NCKAP1: variants seen among roughly 807,000 people sequenced by gnomAD.
NCKAP1 encodes the protein NCK associated protein 1.
NCKAP1 carries 21 observed loss-of-function variants against 151.2 expected under a neutral mutation model. That is an observed-to-expected ratio of 0.14 (90% CI 0.10 to 0.20). NCKAP1 has a LOEUF of 0.20. Ranked by LOEUF, NCKAP1 falls within the 10% of genes least tolerant of loss-of-function variation. The pLI is 1.00. For missense variants in NCKAP1, 933 were observed against 1,352.1 expected (o/e 0.69, Z 4.86); for synonymous variants, 484 against 451.8 (o/e 1.07, Z -0.90).
intron 20 of NCKAP1, 119 bp downstream of exon 20, chr2:182,956,343 T>C (rs1330806268): frequency 2.3e-6 from 3 of 1,318,184 alleles, no homozygotes; most frequent in East Asian, 2.5e-5. Context: ...CCCGGCCCGG[T>C]TCATTATTCT....
rs1696409663 is a variant in NCKAP1 at position 182,912,419 on chromosome 2, T to C, written c.*13283A>G. The C allele has an allele frequency of 6.6e-6, 1 of 152,346 alleles. No individual in the cohort carries two copies. Among genetic ancestry groups the C allele is most frequent in the East Asian group, 1.9e-4 (1 of 5,192 alleles). 9.4% of individuals were successfully genotyped at this position (152,346 alleles called of 1,614,324 possible). A position where few individuals can be genotyped will look rare whatever the true frequency, so the allele number is the denominator to read the frequency against. On this transcript the variant is annotated 3_prime_UTR_variant, in exon 31 of 31. Transcript: ENST00000361354. ...AGAGTTTTCACATGAGCTCTCTATG[T>C]GGCAATGAGATACAAGTGCCATCTT...
chr2:183,004,684 G>C (rs1390177998), intron 2 of NCKAP1, among the ~76,000 whole-genome samples: 1 of 151,914 alleles, frequency 6.6e-6, no homozygotes, highest in African/African-American at 2.4e-5. Context: ...AGCAGTTCGA[G>C]ACCAGCCTGA....
intron 24 of NCKAP1, among the ~76,000 whole-genome samples, chr2:182,938,355 G>A (rs1320411616): frequency 1.3e-5 from 2 of 152,108 alleles, no homozygotes; most frequent in Non-Finnish European, 2.9e-5. Context: ...ACGACGAAGA[G>A]TAGAGATAAA....
In NCKAP1 at chr2:182,986,225, T is replaced by C. The variant is rs1426792414; in HGVS notation, c.950A>G (p.Tyr317Cys). 3.1e-6 allele frequency: 5 copies of C among 1,612,968 alleles called. No homozygotes were observed. The highest frequency in any genetic ancestry group is 4.2e-6 in the Non-Finnish European group (5 of 1,179,098). ...AEDLFVNIRG[Y>C]NKRINDIREC... ...TCTTATGTCATTAATACGTTTATTA[T>C]AGCTAGGTGCAAAAACAAATTAGAA... is the stretch of plus-strand genomic sequence containing the variant. Residue 317 changes from tyrosine (Y) to cysteine (C), a missense_variant and splice_region_variant, in exon 10 of 31, where the codon TAT (tyrosine) becomes TGT (cysteine). By Grantham distance (194) the Tyr-to-Cys change is radical. Transcript: ENST00000361354.
Position 182,967,430 on chromosome 2 carries a change from G to C in NCKAP1, c.1483-69C>G, listed in dbSNP as rs1461300064. The C allele has an allele frequency of 2.2e-6, 3 of 1,358,236 alleles. No homozygotes were observed. In the East Asian group the frequency reaches 6.9e-5, roughly 31 times the overall value. 84.1% of individuals were successfully genotyped at this position (1,358,236 alleles called of 1,614,324 possible). ...TGACTTCGGACTTGTCATTTTACAGGGGGAAAAGCATCACTGAAAGATACT... is the reference window on the plus strand; with the variant it reads ...TGACTTCGGACTTGTCATTTTACAGCGGGAAAAGCATCACTGAAAGATACT... On this transcript the variant is annotated intron_variant, in intron 15 of 30. Transcript: ENST00000361354.
At chr2:182,987,087 C>T (rs1463925430) in intron 9 of NCKAP1, among the ~76,000 whole-genome samples, 1 of 151,816 alleles carries the variant, frequency 6.6e-6, no homozygotes, top group East Asian at 1.9e-4. Flanking sequence ...ACTAAAAATA[C>T]AAAAATTAGT....
rs1697253056 is a variant in NCKAP1 at position 182,953,138 on chromosome 2, T to C, written c.2347A>G (p.Thr783Ala). The change falls in exon 21 of 31, where the codon ACC (threonine) becomes GCC (alanine). Residue 783 changes from threonine (T) to alanine (A), a missense_variant. Thr to Ala is a moderately conservative substitution (Grantham distance 58). This residue lies in a region of NCKAP1 where 326 missense variants were observed against 557.1 expected (regional missense o/e 0.59). Coordinates refer to ENST00000361354, the MANE Select transcript of NCKAP1 (RefSeq NM_013436.5). ...TQHLDSHGEP[T>A]ITSLYTNWYL... is the part of the protein sequence containing the mutation. ...CAATTTGTGTATAGACTTGTAATGG[T>C]TGGCTCTCCATGACTGTCTAAATGT... is the stretch of plus-strand genomic sequence containing the variant. 6.2e-7 allele frequency: 1 copy of C among 1,612,628 alleles called. No individual in the cohort carries two copies. Among genetic ancestry groups the C allele is most frequent in the African/African-American group, 1.3e-5 (1 of 75,008 alleles).
At position 182,953,214 on chromosome 2, in the gene NCKAP1, C is replaced by T; in HGVS notation, c.2271G>A (p.Val757=). The T allele has an allele frequency of 6.2e-7, 1 of 1,612,654 alleles. No individual in the cohort carries two copies. The highest frequency in any genetic ancestry group is 8.5e-7 in the Non-Finnish European group (1 of 1,178,818). The change falls in exon 21 of 31, where the codon GTG becomes GTA. Residue 757 remains valine (V), a synonymous_variant. Transcript: ENST00000361354. ...MTVLQSIENY[V]QIDITRVFNN... ...TAAATACTCTTGTAATATCAATCTGCACATAGTTTTCTATTGACTGGAGTA... is the reference window on the plus strand; with the variant it reads ...TAAATACTCTTGTAATATCAATCTGTACATAGTTTTCTATTGACTGGAGTA...
At chr2:183,008,957 CT>C (rs1698533951) in intron 2 of NCKAP1, among the ~76,000 whole-genome samples, 1 of 152,096 alleles carries the variant, frequency 6.6e-6, no homozygotes, top group Non-Finnish European at 1.5e-5. Context: ...TTAAAAGAAC[CT>C]TAGACTCCTA....
intron 15 of NCKAP1, among the ~76,000 whole-genome samples, chr2:182,971,751 T>C (rs1697701722): frequency 6.6e-6 from 1 of 152,024 alleles, no homozygotes; most frequent in Non-Finnish European, 1.5e-5. Flanking sequence ...AACCCAGAAA[T>C]AAATCCACAC....
chr2:182,955,206 T>C (rs1697300238), intron 20 of NCKAP1, among the ~76,000 whole-genome samples: 1 of 152,222 alleles, frequency 6.6e-6, no homozygotes, highest in East Asian at 1.9e-4. Context: ...CTTTTAGTCA[T>C]CTCACCAGCT....
intron 9 of NCKAP1, among the ~76,000 whole-genome samples, chr2:182,986,543 AT>A (rs1237903472): frequency 6.6e-6 from 1 of 152,204 alleles, no homozygotes; most frequent in African/African-American, 2.4e-5. Context: ...TTCTGATGTA[AT>A]TAACATCAGA....
At chr2:182,951,428 G>C (rs965972661) in intron 23 of NCKAP1, among the ~76,000 whole-genome samples, 1 of 151,280 alleles carries the variant, frequency 6.6e-6, no homozygotes, top group African/African-American at 2.4e-5. Flanking sequence ...CAGCACTTTG[G>C]GAGGCCGAGG....
rs751486556 is a variant in NCKAP1 at position 182,934,817 on chromosome 2, T to A, written c.2794A>T (p.Ile932Phe). The A allele has an allele frequency of 6.7e-7, 1 of 1,485,238 alleles. No individual in the cohort carries two copies. The highest frequency in any genetic ancestry group is 1.2e-5 in the South Asian group (1 of 85,354). The allele number at this position is 1,485,238 out of a possible 1,614,324, so 92.0% of individuals were successfully genotyped here. A position where few individuals can be genotyped will look rare whatever the true frequency, so the allele number is the denominator to read the frequency against. Residue 932 changes from isoleucine to phenylalanine, a missense_variant, in exon 26 of 31, where the codon ATT becomes TTT. By Grantham distance (21) the Ile-to-Phe change is conservative. Transcript: ENST00000361354. Reference sequence around the variant, plus strand: ...TCAATTGAACTTACAAGAAAAGGAATGTGGTAGGATAAGACCTAGGCAGGA... The same window carrying A: ...TCAATTGAACTTACAAGAAAAGGAAAGTGGTAGGATAAGACCTAGGCAGGA... ...EALRDVLSYH[I>F]PFLVSSIEDF...
At chr2:182,960,790 C>G (rs538745148) in intron 18 of NCKAP1, among the ~76,000 whole-genome samples, 7 of 152,272 alleles carry the variant, frequency 4.6e-5, no homozygotes, top group Admixed American at 2.0e-4. Flanking sequence ...TCAGAGTGAA[C>G]AGGCAACCTA....
At chr2:182,939,947 G>C (rs1248417877) in intron 24 of NCKAP1, among the ~76,000 whole-genome samples, 1 of 152,182 alleles carries the variant, frequency 6.6e-6, no homozygotes, top group Non-Finnish European at 1.5e-5. Flanking sequence ...CAATGAGTTA[G>C]AGGTAATGAG....
Position 182,974,259 on chromosome 2 carries a change from T to TAAA in NCKAP1, c.1482+2631_1482+2633dup, listed in dbSNP as rs1173365320. Among the ~76,000 whole-genome samples the TAAA allele has an allele frequency of 7.9e-5, 5 of 63,270 alleles. 1 individual carries two copies. The highest frequency in any genetic ancestry group is 5.9e-5 in the African/African-American group (1 of 16,834). The allele number at this position is 63,270 out of a possible 152,430, so 41.5% of individuals were successfully genotyped here. A position where few individuals can be genotyped will look rare whatever the true frequency, so the allele number is the denominator to read the frequency against. ...TTTGTATGCATTGTCCTGTTGTCAC[T>TAAA]AAAAAAAAAAAAAAAAAAAAAAGGG... On this transcript the variant is annotated intron_variant, in intron 15 of 30. Transcript: ENST00000361354.
intron 29 of NCKAP1, among the ~76,000 whole-genome samples, chr2:182,927,871 A>G (rs1478876611): frequency 6.6e-6 from 1 of 151,952 alleles, no homozygotes; most frequent in Non-Finnish European, 1.5e-5. Flanking sequence ...AAGGGAAATA[A>G]CGGACGGCTC....
chr2:183,024,881 T>C, intron 1 of NCKAP1: 1 of 1,355,852 alleles, frequency 7.4e-7, no homozygotes, highest in Non-Finnish European at 1.0e-6. Flanking sequence ...TTGTTTACTA[T>C]GGCTATGTTG....
Sources: gnomAD v4.1 joint callset for allele counts (sites outside exome capture counted in the v4.1 genomes callset) on GRCh38, gnomAD v4.1.1 for gene constraint, gnomAD v4.1.1 regional missense constraint, MANE v1.5 for transcripts, NCBI Gene and HGNC (gene_info 2026-07-23, HGNC 2026-07-21) for gene names.